The following MACROD2 variants were observed in gnomAD, a reference collection of about 807,000 sequenced individuals.
MACROD2 encodes the protein ADP-ribose glycohydrolase MACROD2.
In MACROD2, 36 loss-of-function variants were observed where a neutral mutation model predicts 70.4. The observed-to-expected ratio is 0.51, with a 90% CI of 0.39 to 0.68. MACROD2 has a LOEUF of 0.68. Ranked by LOEUF, MACROD2 falls within the 30% of genes least tolerant of loss-of-function variation. The pLI, the probability that MACROD2 is intolerant of heterozygous loss-of-function variation, is 0.00. For missense variants in MACROD2, 496 were observed against 538.4 expected, an observed-to-expected ratio of 0.92 and a Z score of 0.78; for synonymous variants, 172 against 178.8, an observed-to-expected ratio of 0.96 and a Z score of 0.30.
At chr20:15,394,300 G>A (rs574968342) in intron 6 of MACROD2, among the ~76,000 whole-genome samples, 1 of 152,296 alleles carries the variant, frequency 6.6e-6, no homozygotes, top group East Asian at 1.9e-4. Flanking sequence ...ACAATTTTGG[G>A]TCTTTTCATA....
intron 6 of MACROD2, among the ~76,000 whole-genome samples, chr20:15,410,815 A>G (rs1325731985): frequency 6.6e-6 from 1 of 152,186 alleles, no homozygotes; most frequent in Non-Finnish European, 1.5e-5. Flanking sequence ...CCAAACCTCT[A>G]GGCAAACCAG....
intron 2 of MACROD2, among the ~76,000 whole-genome samples, chr20:14,058,512 T>C (rs912003168): frequency 6.6e-5 from 10 of 151,922 alleles, no homozygotes; most frequent in African/African-American, 1.9e-4. Context: ...GATTATATCT[T>C]TGCCCTCTTT....
intron 6 of MACROD2, among the ~76,000 whole-genome samples, chr20:15,318,738 A>G (rs1485051030): frequency 2.6e-5 from 4 of 152,186 alleles, no homozygotes; most frequent in Non-Finnish European, 5.9e-5. Flanking sequence ...TAACCAGTGC[A>G]GAAAAAGAAT....
intron 5 of MACROD2, among the ~76,000 whole-genome samples, chr20:14,973,599 T>C (rs1449550067): frequency 6.6e-6 from 1 of 152,122 alleles, no homozygotes; most frequent in African/African-American, 2.4e-5. Context: ...ACCACTTGAT[T>C]ATGAAAATTC....
At chr20:15,182,436 A>T (rs1001005401) in intron 5 of MACROD2, among the ~76,000 whole-genome samples, 23 of 152,180 alleles carry the variant, frequency 1.5e-4, no homozygotes, top group Admixed American at 3.9e-4. Flanking sequence ...GAAACCAGCT[A>T]ACAAGGTCAT....
At chr20:14,125,148 G>A (rs1433249250) in intron 3 of MACROD2, among the ~76,000 whole-genome samples, 1 of 152,162 alleles carries the variant, frequency 6.6e-6, no homozygotes, top group Non-Finnish European at 1.5e-5. Context: ...GATGACAGAA[G>A]GAGGGGATAG....
chr20:14,113,631 G>A (rs961535742), intron 3 of MACROD2, among the ~76,000 whole-genome samples: 9 of 152,022 alleles, frequency 5.9e-5, no homozygotes, highest in African/African-American at 9.7e-5. Flanking sequence ...TTCACTGATC[G>A]CTAATCCAGT....
At chr20:15,770,084 A>ATTTTTTTTTTT (rs1234797549) in intron 8 of MACROD2, among the ~76,000 whole-genome samples, 13 of 125,730 alleles carry the variant, frequency 1.0e-4, no homozygotes, top group South Asian at 4.9e-4. Flanking sequence ...ATTTATTTTA[A>ATTTTTTTTTTT]TTTTCTTTTT....
intron 6 of MACROD2, among the ~76,000 whole-genome samples, chr20:15,285,086 GA>G (rs1385778867): frequency 2.0e-5 from 3 of 152,086 alleles, no homozygotes; most frequent in Non-Finnish European, 4.4e-5. Context: ...ATAGGTAAAA[GA>G]ATGACTACAA....
At chr20:15,086,445 A>G (rs1323447365) in intron 5 of MACROD2, among the ~76,000 whole-genome samples, 2 of 152,160 alleles carry the variant, frequency 1.3e-5, no homozygotes, top group East Asian at 1.9e-4. Context: ...TCTTTATCAG[A>G]TTACCTGAGT....
intron 6 of MACROD2, among the ~76,000 whole-genome samples, chr20:15,416,700 C>A (rs1229782528): frequency 6.6e-6 from 1 of 151,838 alleles, no homozygotes; most frequent in South Asian, 2.1e-4. Context: ...GTCAGGAGAT[C>A]GAGACCATCC....
At chr20:16,024,506 C>T (rs1427919406) in intron 15 of MACROD2, among the ~76,000 whole-genome samples, 2 of 142,698 alleles carry the variant, frequency 1.4e-5, no homozygotes, top group African/African-American at 5.2e-5. Context: ...TTCACACACA[C>T]ACACACAGAC....
intron 7 of MACROD2, among the ~76,000 whole-genome samples, chr20:15,435,187 A>T (rs2046412457): frequency 6.6e-6 from 1 of 152,184 alleles, no homozygotes; most frequent in Non-Finnish European, 1.5e-5. Flanking sequence ...AATACAATTT[A>T]AAAAAGTTTA....
chr20:16,044,547 C>T lies in MACROD2; in HGVS notation c.1232-24C>T, dbSNP rs779149149. 1,540 of 1,330,078 alleles carry T rather than the reference C, an allele frequency of 1.2e-3. 3 individuals carry two copies. Among genetic ancestry groups the T allele is most frequent in the Non-Finnish European group, 1.5e-3 (1,400 of 960,434 alleles). 82.4% of individuals were successfully genotyped at this position (1,330,078 alleles called of 1,614,324 possible). On this transcript the variant is annotated intron_variant, in intron 16 of 17. Coordinates refer to ENST00000684519, the MANE Select transcript of MACROD2 (RefSeq NM_001351661.2). Reference sequence around the variant, plus strand: ...AGATTTAGGTTTAATGAATATTTAACTTTTTTTTTTTTTCTGGTGACAGTT... The same window carrying T: ...AGATTTAGGTTTAATGAATATTTAATTTTTTTTTTTTTTCTGGTGACAGTT...
chr20:15,057,080 C>T (rs779054005), intron 5 of MACROD2, among the ~76,000 whole-genome samples: 2 of 152,126 alleles, frequency 1.3e-5, no homozygotes, highest in Non-Finnish European at 2.9e-5. Context: ...ACTTGTGTGT[C>T]TCATTTTATG....
intron 6 of MACROD2, among the ~76,000 whole-genome samples, chr20:15,303,301 A>G (rs1327106391): frequency 2.6e-5 from 4 of 152,208 alleles, no homozygotes; most frequent in African/African-American, 9.6e-5. Flanking sequence ...TGGACCCCAC[A>G]GATTTATCTT....
In MACROD2 at chr20:14,038,439, A is replaced by C. The variant is rs552289471; in HGVS notation, c.163+36035A>C. 2.6e-5 allele frequency among the ~76,000 whole-genome samples: 4 copies of C among 152,358 alleles called. No homozygotes were observed. In the South Asian group the frequency reaches 8.3e-4, roughly 32 times the overall value. On this transcript the variant is annotated intron_variant, in intron 2 of 17. Coordinates refer to ENST00000684519, the MANE Select transcript of MACROD2 (RefSeq NM_001351661.2). ...TTATTATTTCTTTTTACAAATCAGGAAACTGAGGCACAGAGAAGTTAGAGA... is the reference window on the plus strand; with the variant it reads ...TTATTATTTCTTTTTACAAATCAGGCAACTGAGGCACAGAGAAGTTAGAGA...
chr20:15,681,739 C>T (rs1315223686), intron 8 of MACROD2, among the ~76,000 whole-genome samples: 1 of 152,118 alleles, frequency 6.6e-6, no homozygotes, highest in Non-Finnish European at 1.5e-5. Flanking sequence ...TTAAAGTAAT[C>T]AGAGTTTCAT....
chr20:15,908,029 A>G (rs1231287134), intron 10 of MACROD2, among the ~76,000 whole-genome samples: 1 of 152,218 alleles, frequency 6.6e-6, no homozygotes, highest in African/African-American at 2.4e-5. Flanking sequence ...CCTGACCATG[A>G]AATTTTAATA....
Sources: gnomAD v4.1 joint callset for allele counts (sites outside exome capture counted in the v4.1 genomes callset) on GRCh38, gnomAD v4.1.1 for gene constraint, MANE v1.5 for transcripts, NCBI Gene and HGNC (gene_info 2026-07-23, HGNC 2026-07-21) for gene names.